LSAMP: variants seen among roughly 807,000 people sequenced by gnomAD.
LSAMP encodes the protein limbic system-associated membrane protein.
LSAMP carries 7 observed loss-of-function variants against 38.6 expected under a neutral mutation model. That is an observed-to-expected ratio of 0.18 (90% CI 0.10 to 0.34). The LOEUF (loss-of-function observed/expected upper bound fraction) is 0.34, where lower values mean the gene tolerates loss of function less well. LSAMP is among the 10% of genes least tolerant of loss of function. The probability of loss-of-function intolerance (pLI) is 1.00; values close to 1 mark genes in which losing one functional copy is unlikely to be tolerated. For synonymous variants in LSAMP, 154 were observed against 166.8 expected, an observed-to-expected ratio of 0.92 and a Z score of 0.59; for missense variants, 313 against 420.0, an observed-to-expected ratio of 0.75 and a Z score of 2.23.
In LSAMP at chr3:115,942,495, A is replaced by C. The variant is rs77207328; in HGVS notation, c.514+77020T>G. Among the ~76,000 whole-genome samples, 1,398 of 152,290 alleles carry C rather than the reference A, an allele frequency of 9.2e-3. 21 individuals are homozygous for C. Among genetic ancestry groups the C allele is most frequent in the African/African-American group, 0.031 (1,303 of 41,580 alleles). ...ACAGAAACACTGTGGAGTGAAAAAT[A>C]AGTACTTTAAGAGACTACAAATGTG... On this transcript the variant is annotated intron_variant, in intron 3 of 6. Transcript: ENST00000490035.
At chr3:116,087,287 C>T (rs1708013542) in intron 1 of LSAMP, among the ~76,000 whole-genome samples, 1 of 151,986 alleles carries the variant, frequency 6.6e-6, no homozygotes, top group South Asian at 2.1e-4. Flanking sequence ...GTTTATAGAC[C>T]AATAGATCAA....
chr3:116,339,854 A>T (rs1278486745), intron 1 of LSAMP, among the ~76,000 whole-genome samples: 1 of 152,026 alleles, frequency 6.6e-6, no homozygotes. Context: ...AGATATTACC[A>T]GTTACCAACC....
chr3:116,067,058 T>C lies in LSAMP; in HGVS notation c.388+19266A>G, dbSNP rs76673722. Among the ~76,000 whole-genome samples, 542 of 152,310 alleles carry C rather than the reference T, an allele frequency of 3.6e-3. 4 individuals carry two copies. The highest frequency in any genetic ancestry group is 0.015 in the South Asian group (72 of 4,826). On this transcript the variant is annotated intron_variant, in intron 2 of 6. Transcript: ENST00000490035. ...TGACTTAGCAGAGCAGTTCTTACCT[T>C]CTTAAGTTCTCCCCAACTTAAGGAA...
At chr3:116,333,533 CAAAAAAA>C (rs35890184) in intron 1 of LSAMP, among the ~76,000 whole-genome samples, 1 of 85,616 alleles carries the variant, frequency 1.2e-5, no homozygotes, top group Non-Finnish European at 2.7e-5. Flanking sequence ...GGTTCCATCT[CAAAAAAA>C]AAAAAAAAAA....
At position 115,997,290 on chromosome 3, in the gene LSAMP, G is replaced by A. The variant is rs960504589; in HGVS notation, c.514+22225C>T. Among the ~76,000 whole-genome samples, 8 of 152,102 alleles carry A rather than the reference G, an allele frequency of 5.3e-5. No homozygotes were observed. In the South Asian group the frequency reaches 8.3e-4, roughly 16 times the overall value. On this transcript the variant is annotated intron_variant, in intron 3 of 6. Transcript: ENST00000490035. ...GTAGTAGTATCACTGAGGGTAAAGC[G>A]GTGAATAAGATGGACAATGTACATT...
At chr3:116,299,403 T>C (rs1459525333) in intron 1 of LSAMP, among the ~76,000 whole-genome samples, 7 of 152,192 alleles carry the variant, frequency 4.6e-5, no homozygotes, top group Non-Finnish European at 2.9e-5. Flanking sequence ...CACACGAACA[T>C]GGTCACTCTT....
chr3:116,057,957 C>CACACACACACACACACACACA (rs1553699978), intron 2 of LSAMP, among the ~76,000 whole-genome samples: 2 of 117,480 alleles, frequency 1.7e-5, no homozygotes, highest in Non-Finnish European at 4.1e-5. Context: ...ACACACACAC[C>CACACACACACACACACACACA]CACACACACA....
At chr3:116,250,288 A>T (rs898896359) in intron 1 of LSAMP, among the ~76,000 whole-genome samples, 2 of 152,134 alleles carry the variant, frequency 1.3e-5, no homozygotes, top group Admixed American at 1.3e-4. Context: ...TTGCTGCCTG[A>T]AATATAATGT....
At chr3:115,983,741 A>G (rs1178874404) in intron 3 of LSAMP, among the ~76,000 whole-genome samples, 1 of 152,164 alleles carries the variant, frequency 6.6e-6, no homozygotes, top group African/African-American at 2.4e-5. Flanking sequence ...ATGAGAGGAC[A>G]GTGCCTAGTG....
intron 1 of LSAMP, among the ~76,000 whole-genome samples, chr3:116,176,981 G>A (rs557961163): frequency 6.6e-6 from 1 of 152,160 alleles, no homozygotes; most frequent in South Asian, 2.1e-4. Flanking sequence ...AAATTGTGGT[G>A]TTGTGTTTTT....
chr3:116,284,231 T>G (rs184008347), intron 1 of LSAMP, among the ~76,000 whole-genome samples: 3 of 152,304 alleles, frequency 2.0e-5, no homozygotes, highest in Non-Finnish European at 4.4e-5. Context: ...TGAAGTTGCT[T>G]ACCTGTAAGT....
At chr3:116,023,025 T>C (rs1374141745) in intron 2 of LSAMP, among the ~76,000 whole-genome samples, 1 of 152,144 alleles carries the variant, frequency 6.6e-6, no homozygotes, top group Non-Finnish European at 1.5e-5. Context: ...TCATAAAAAA[T>C]TGATCCTCAT....
At chr3:116,157,410 T>C (rs1405574546) in intron 1 of LSAMP, among the ~76,000 whole-genome samples, 3 of 152,134 alleles carry the variant, frequency 2.0e-5, no homozygotes, top group African/African-American at 7.2e-5. Context: ...TCTGGTTATG[T>C]TCCCTAATGC....
chr3:116,248,698 C>G (rs1544994), intron 1 of LSAMP, among the ~76,000 whole-genome samples: 37,599 of 151,868 alleles, frequency 0.25, 5,326 homozygotes, highest in African/African-American at 0.38. Flanking sequence ...TGGCCTTCAT[C>G]TCTCCCCTTT....
At chr3:116,436,213 GACTTAA>G (rs1167461748) in intron 1 of LSAMP, among the ~76,000 whole-genome samples, 1 of 152,114 alleles carries the variant, frequency 6.6e-6, no homozygotes. Context: ...ATGGATTAAG[GACTTAA>G]ACTTAAGACC....
intron 1 of LSAMP, among the ~76,000 whole-genome samples, chr3:116,133,824 C>T (rs1407195712): frequency 6.6e-6 from 1 of 152,020 alleles, no homozygotes. Flanking sequence ...GTATATACCA[C>T]AAGATAAAAT....
Position 115,805,934 on chromosome 3 carries a change from T to C in LSAMP, c.*4383A>G, listed in dbSNP as rs1933619804. ...GGAGGAGGCTTCCTAAACTGCATTT[T>C]TGTTTCTTATCTCACCATTTTTGTG... On this transcript the variant is annotated 3_prime_UTR_variant, in exon 7 of 7. Transcript: ENST00000490035. 6.6e-6 allele frequency: 1 copy of C among 152,230 alleles called. No homozygotes were observed. The allele number at this position is 152,230 out of a possible 1,614,324, so 9.4% of individuals were successfully genotyped here. A position where few individuals can be genotyped will look rare whatever the true frequency, so the allele number is the denominator to read the frequency against.
intron 1 of LSAMP, among the ~76,000 whole-genome samples, chr3:116,097,408 T>C (rs1399870526): frequency 3.3e-5 from 5 of 152,178 alleles, no homozygotes; most frequent in Non-Finnish European, 5.9e-5. Flanking sequence ...CCCCTTACTT[T>C]ATAGTCTTGT....
chr3:116,373,371 G>GTAC (rs771803883), intron 1 of LSAMP, among the ~76,000 whole-genome samples: 2 of 151,552 alleles, frequency 1.3e-5, no homozygotes, highest in Non-Finnish European at 3.0e-5. Context: ...GGTATATAGA[G>GTAC]TACTCATACT....
Sources: gnomAD v4.1 joint callset for allele counts (sites outside exome capture counted in the v4.1 genomes callset) on GRCh38, gnomAD v4.1.1 for gene constraint, MANE v1.5 for transcripts, NCBI Gene and HGNC (gene_info 2026-07-23, HGNC 2026-07-21) for gene names.